The following DGKG variants were observed in gnomAD, a reference collection of about 807,000 sequenced individuals.
DGKG encodes diacylglycerol kinase gamma.
In DGKG, 78 loss-of-function variants were observed where a neutral mutation model predicts 105.3. The observed-to-expected ratio is 0.74, with a 90% CI of 0.62 to 0.89. The LOEUF (loss-of-function observed/expected upper bound fraction) is 0.89, where lower values mean the gene tolerates loss of function less well. Ranked by LOEUF, DGKG falls within the 40% of genes least tolerant of loss-of-function variation. The pLI is 0.00. For synonymous variants in DGKG, 346 were observed against 367.1 expected (o/e 0.94, Z 0.66); for missense variants, 958 against 1,020.1 (o/e 0.94, Z 0.83).
rs920888596 is a variant in DGKG, at chr3:186,257,856, A to G, written c.1508T>C (p.Ile503Thr). The G allele has an allele frequency of 5.6e-6, 9 of 1,613,028 alleles. No homozygotes were observed. Among genetic ancestry groups the G allele is most frequent in the African/African-American group, 1.3e-5 (1 of 74,964 alleles). ...DGTVGWILDC[I>T]DKANFAKHPP... is the part of the protein sequence containing the mutation. ...ACGCCCTCTCAGCCCATGCTTACCA[A>G]TGCAATCCAAAATCCAGCCAACTGT... Residue 503 changes from isoleucine to threonine, a missense_variant and splice_region_variant, in exon 17 of 25, where the codon ATT becomes ACT. Ile to Thr is a moderately conservative substitution (Grantham distance 89). This residue lies in a region of DGKG where 315 missense variants were observed against 400.6 expected (regional missense o/e 0.79). Transcript: ENST00000265022.
chr3:186,248,617 G>T (rs1428556540), intron 19 of DGKG, among the ~76,000 whole-genome samples: 1 of 152,162 alleles, frequency 6.6e-6, no homozygotes, highest in Non-Finnish European at 1.5e-5. Flanking sequence ...CTGTTGTGGG[G>T]GTGGAATTTA....
intron 24 of DGKG, chr3:186,160,783 A>C (rs1716255629): frequency 1.0e-6 from 1 of 985,324 alleles, no homozygotes; most frequent in Non-Finnish European, 1.2e-6. Context: ...CAGGACGACG[A>C]TTGCTCTTCA....
chr3:186,258,403 C>A (rs1221688001), intron 16 of DGKG, among the ~76,000 whole-genome samples: 2 of 152,174 alleles, frequency 1.3e-5, no homozygotes, highest in East Asian at 1.9e-4. Flanking sequence ...TTCTCAGGAG[C>A]CTTAACCCTG....
At chr3:186,309,590 A>G (rs1724418031) in intron 2 of DGKG, among the ~76,000 whole-genome samples, 2 of 152,200 alleles carry the variant, frequency 1.3e-5, no homozygotes, top group South Asian at 4.1e-4. Context: ...ATCTATTTTA[A>G]TGGGAGGTTG....
At chr3:186,339,225 A>G (rs1180926702) in intron 1 of DGKG, among the ~76,000 whole-genome samples, 1 of 152,194 alleles carries the variant, frequency 6.6e-6, no homozygotes, top group Non-Finnish European at 1.5e-5. Context: ...GGGGGAGGCA[A>G]AGATGAATTA....
intron 17 of DGKG, 128 bp downstream of exon 17, chr3:186,257,726 T>G (rs999751956): frequency 5.9e-6 from 4 of 674,724 alleles, no homozygotes; most frequent in Non-Finnish European, 1.0e-5. Flanking sequence ...TAGTCAAGTG[T>G]TGGTCCAGGG....
At chr3:186,283,154 G>A (rs556253002) in intron 7 of DGKG, among the ~76,000 whole-genome samples, 35 of 152,110 alleles carry the variant, frequency 2.3e-4, no homozygotes, top group Admixed American at 1.3e-3. Context: ...TGATCTGCCC[G>A]CCTCCCAAAG....
chr3:186,246,518 C>T (rs1290749862), intron 19 of DGKG, among the ~76,000 whole-genome samples: 2 of 151,952 alleles, frequency 1.3e-5, no homozygotes, highest in East Asian at 3.9e-4. Flanking sequence ...TGGCAATTTA[C>T]GGAGATAAAA....
At chr3:186,244,411 T>G (rs1300820486) in intron 19 of DGKG, among the ~76,000 whole-genome samples, 1 of 151,446 alleles carries the variant, frequency 6.6e-6, no homozygotes, top group Non-Finnish European at 1.5e-5. Context: ...ATTGATGTTT[T>G]TTTTTTTTTT....
chr3:186,150,280 A>T, intron 24 of DGKG, 92 bp from the exon 25 acceptor site: 1 of 1,455,104 alleles, frequency 6.9e-7, no homozygotes. Context: ...GGCCAGCTTC[A>T]GGATGGAAGG....
chr3:186,274,185 G>T (rs1191308320), intron 10 of DGKG, among the ~76,000 whole-genome samples: 1 of 151,916 alleles, frequency 6.6e-6, no homozygotes, highest in Non-Finnish European at 1.5e-5. Flanking sequence ...TGCTTTTTTT[G>T]TTTGTTTGTT....
intron 2 of DGKG, among the ~76,000 whole-genome samples, chr3:186,319,913 G>A (rs1309851537): frequency 1.3e-5 from 2 of 152,210 alleles, no homozygotes; most frequent in East Asian, 3.9e-4. Flanking sequence ...AAGGCTTTGG[G>A]TCCAAATGCA....
At chr3:186,217,312 C>T (rs958396595) in intron 20 of DGKG, among the ~76,000 whole-genome samples, 2 of 152,120 alleles carry the variant, frequency 1.3e-5, no homozygotes, top group African/African-American at 4.8e-5. Context: ...CTGGAGATGA[C>T]TAATCCTTAA....
intron 17 of DGKG, among the ~76,000 whole-genome samples, chr3:186,256,213 T>C (rs1201014568): frequency 6.6e-6 from 1 of 152,098 alleles, no homozygotes; most frequent in African/African-American, 2.4e-5. Context: ...CAGGGCTGTG[T>C]CCATGGCAAC....
chr3:186,294,497 T>C (rs1723453220), intron 5 of DGKG, among the ~76,000 whole-genome samples: 1 of 148,198 alleles, frequency 6.7e-6, no homozygotes, highest in Non-Finnish European at 1.5e-5. Flanking sequence ...GATTGCACCA[T>C]TGCACTCCAG....
intron 21 of DGKG, among the ~76,000 whole-genome samples, chr3:186,199,188 A>G (rs1056274854): frequency 1.2e-4 from 18 of 152,104 alleles, no homozygotes; most frequent in African/African-American, 2.4e-5. Flanking sequence ...TGACCTCGTG[A>G]TCTGCCCACC....
Position 186,149,874 on chromosome 3 carries a change from T to C in DGKG, c.*216A>G. 1.5e-6 allele frequency: 2 copies of C among 1,320,186 alleles called. No homozygotes were observed. The highest frequency in any genetic ancestry group is 1.9e-6 in the Non-Finnish European group (2 of 1,036,106). The allele number at this position is 1,320,186 out of a possible 1,614,324, so 81.8% of individuals were successfully genotyped here. On this transcript the variant is annotated 3_prime_UTR_variant, in exon 25 of 25. Transcript: ENST00000265022. ...CCTAAGTCCATTCAAAATGTTTTGTTGGCACTGGCTCTGTTAGGGGTGTAC... is the reference window on the plus strand; with the variant it reads ...CCTAAGTCCATTCAAAATGTTTTGTCGGCACTGGCTCTGTTAGGGGTGTAC...
At chr3:186,192,615 T>C (rs731455) in intron 21 of DGKG, among the ~76,000 whole-genome samples, 72,350 of 151,572 alleles carry the variant, frequency 0.48, 20,255 homozygotes, top group East Asian at 0.74. Flanking sequence ...CACAGCTTCC[T>C]ACTCTACAAG....
At chr3:186,273,159 G>T (rs546415590) in intron 10 of DGKG, among the ~76,000 whole-genome samples, 2 of 152,260 alleles carry the variant, frequency 1.3e-5, no homozygotes, top group Non-Finnish European at 2.9e-5. Context: ...TCTTTGCAGG[G>T]ATTGTTGCAG....
Sources: gnomAD v4.1 joint callset for allele counts (sites outside exome capture counted in the v4.1 genomes callset) on GRCh38, gnomAD v4.1.1 for gene constraint, gnomAD v4.1.1 regional missense constraint, MANE v1.5 for transcripts, NCBI Gene and HGNC (gene_info 2026-07-23, HGNC 2026-07-21) for gene names.